CADM2: variants seen among roughly 807,000 people sequenced by gnomAD.
CADM2 encodes the protein immunoglobulin superfamily member 4D.
CADM2 carries 12 observed loss-of-function variants against 49.8 expected under a neutral mutation model. That is an observed-to-expected ratio of 0.24 (90% CI 0.15 to 0.39). The LOEUF is 0.39. Among genes scored for constraint, CADM2 ranks in the 10% least tolerant of loss-of-function variants. CADM2 has a pLI of 1.00. For missense variants in CADM2, 378 were observed against 492.3 expected (o/e 0.77, Z 2.20); for synonymous variants, 214 against 175.4 (o/e 1.22, Z -1.74).
rs367860771 is a variant in CADM2 at position 85,633,231 on chromosome 3, T to C, written c.62-93291T>C. On this transcript the variant is annotated intron_variant, in intron 1 of 9. Transcript: ENST00000383699. ...ATTACTTAATTTTTTGTGAGTGATT[T>C]CTTATTTGTTTGTTTTAAAGCTGGA... Among the ~76,000 whole-genome samples, 89 of 152,234 alleles carry C rather than the reference T, an allele frequency of 5.8e-4. No homozygotes were observed. The South Asian group carries it at 8.7e-3, about 15-fold the overall frequency.
intron 1 of CADM2, among the ~76,000 whole-genome samples, chr3:85,654,701 G>A (rs2065145261): frequency 6.6e-6 from 1 of 152,084 alleles, no homozygotes; most frequent in Admixed American, 6.5e-5. Context: ...GCCTCTAATT[G>A]TTCTTTTTCC....
intron 1 of CADM2, among the ~76,000 whole-genome samples, chr3:85,655,424 G>T (rs527825215): frequency 6.6e-6 from 1 of 152,032 alleles, no homozygotes; most frequent in Non-Finnish European, 1.5e-5. Flanking sequence ...CTCCCAAAGT[G>T]CTGGGATTAC....
intron 1 of CADM2, among the ~76,000 whole-genome samples, chr3:85,325,880 T>A (rs1031665794): frequency 6.6e-6 from 1 of 152,166 alleles, no homozygotes; most frequent in Non-Finnish European, 1.5e-5. Flanking sequence ...AAAATTCTTA[T>A]ATAAAAGAAA....
intron 7 of CADM2, among the ~76,000 whole-genome samples, chr3:85,947,469 A>T (rs1392842496): frequency 6.6e-6 from 1 of 151,560 alleles, no homozygotes; most frequent in Non-Finnish European, 1.5e-5. Flanking sequence ...ACTAATTAAA[A>T]ATTAAAAGCA....
At chr3:85,407,084 G>A (rs1170248309) in intron 1 of CADM2, among the ~76,000 whole-genome samples, 3 of 151,968 alleles carry the variant, frequency 2.0e-5, no homozygotes, top group Non-Finnish European at 4.4e-5. Flanking sequence ...TGTGTTTGAT[G>A]CCAGCTACTG....
At chr3:86,022,833 C>T (rs186544553) in intron 8 of CADM2, among the ~76,000 whole-genome samples, 280 of 152,190 alleles carry the variant, frequency 1.8e-3, no homozygotes, top group African/African-American at 5.9e-3. Flanking sequence ...GCTTCCATGT[C>T]ATTTTGGCTT....
intron 1 of CADM2, among the ~76,000 whole-genome samples, chr3:85,704,007 T>G (rs2066862104): frequency 6.6e-6 from 1 of 152,224 alleles, no homozygotes. Context: ...AATATTTTTT[T>G]GCTCTGTAAT....
At chr3:85,558,651 A>G (rs1273261794) in intron 1 of CADM2, among the ~76,000 whole-genome samples, 1 of 152,058 alleles carries the variant, frequency 6.6e-6, no homozygotes, top group Admixed American at 6.6e-5. Flanking sequence ...GTTAACAATA[A>G]CCTCAGTTTT....
At chr3:85,241,077 C>T (rs1338916928) in intron 1 of CADM2, among the ~76,000 whole-genome samples, 2 of 151,252 alleles carry the variant, frequency 1.3e-5, no homozygotes, top group African/African-American at 4.8e-5. Flanking sequence ...TTGGAATTGA[C>T]CCTTTTATCA....
chr3:85,837,593 G>C (rs1458489159), intron 3 of CADM2, among the ~76,000 whole-genome samples: 1 of 151,470 alleles, frequency 6.6e-6, no homozygotes, highest in African/African-American at 2.4e-5. Context: ...CTTTGGAACT[G>C]ACTGACATGC....
At chr3:85,278,671 A>G (rs1318494951) in intron 1 of CADM2, among the ~76,000 whole-genome samples, 1 of 151,068 alleles carries the variant, frequency 6.6e-6, no homozygotes, top group Non-Finnish European at 1.5e-5. Context: ...TCTGAAGTAC[A>G]TAATTTTTCA....
At chr3:85,767,812 T>A (rs1319215617) in intron 2 of CADM2, among the ~76,000 whole-genome samples, 1 of 152,152 alleles carries the variant, frequency 6.6e-6, no homozygotes, top group African/African-American at 2.4e-5. Flanking sequence ...ATTCCAGAAG[T>A]GCTCATCAGA....
chr3:85,516,343 G>C (rs1225009003), intron 1 of CADM2, among the ~76,000 whole-genome samples: 2 of 151,966 alleles, frequency 1.3e-5, no homozygotes, highest in African/African-American at 4.8e-5. Flanking sequence ...CTCTGTATTG[G>C]TTCCATGCCA....
chr3:84,978,144 C>T (rs1455705043), intron 1 of CADM2, among the ~76,000 whole-genome samples: 1 of 151,998 alleles, frequency 6.6e-6, no homozygotes, highest in African/African-American at 2.4e-5. Flanking sequence ...AAAGTACTTC[C>T]TTGACATTAT....
intron 7 of CADM2, among the ~76,000 whole-genome samples, chr3:85,945,799 A>C (rs1168288789): frequency 2.0e-5 from 3 of 152,134 alleles, no homozygotes; most frequent in East Asian, 3.9e-4. Flanking sequence ...AGAGCTATTT[A>C]TGACAAAACC....
At chr3:85,113,531 T>C (rs2038533203) in intron 1 of CADM2, among the ~76,000 whole-genome samples, 1 of 152,050 alleles carries the variant, frequency 6.6e-6, no homozygotes, top group African/African-American at 2.4e-5. Context: ...TTCAAAAACA[T>C]CAGTTTAAAC....
intron 1 of CADM2, among the ~76,000 whole-genome samples, chr3:85,562,860 G>A (rs540477915): frequency 1.6e-3 from 239 of 152,170 alleles, no homozygotes; most frequent in Middle Eastern, 6.8e-3. Flanking sequence ...TCTTCTTTGG[G>A]AAGTAATCTG....
intron 1 of CADM2, among the ~76,000 whole-genome samples, chr3:85,341,457 T>G (rs2045237658): frequency 6.6e-6 from 1 of 151,968 alleles, no homozygotes; most frequent in Admixed American, 6.6e-5. Context: ...TCACTCAAGC[T>G]TCTGGCAAAG....
chr3:85,643,314 T>G (rs1194428915), intron 1 of CADM2, among the ~76,000 whole-genome samples: 1 of 152,230 alleles, frequency 6.6e-6, no homozygotes, highest in African/African-American at 2.4e-5. Flanking sequence ...TGAAGCATCC[T>G]AGAAAATATT....
Sources: gnomAD v4.1 joint callset for allele counts (sites outside exome capture counted in the v4.1 genomes callset) on GRCh38, gnomAD v4.1.1 for gene constraint, MANE v1.5 for transcripts, NCBI Gene and HGNC (gene_info 2026-07-23, HGNC 2026-07-21) for gene names.